ZNF318: variants seen among roughly 807,000 people sequenced by gnomAD.
ZNF318 encodes the protein endocrine regulator.
ZNF318 carries 51 observed loss-of-function variants against 124.2 expected under a neutral mutation model. The ratio of observed to expected loss-of-function variants is 0.41; its 90% CI spans 0.33 to 0.52. ZNF318 has a LOEUF of 0.52. Among genes scored for constraint, ZNF318 ranks in the 20% least tolerant of loss-of-function variants. The probability of loss-of-function intolerance (pLI) is 0.23; values close to 1 mark genes in which losing one functional copy is unlikely to be tolerated. For missense variants in ZNF318, 2,815 were observed against 2,811.2 expected (o/e 1.00, Z -0.03); for synonymous variants, 1,090 against 1,040.7 (o/e 1.05, Z -0.91).
chr6:43,362,020 C>T (rs1483240328), intron 2 of ZNF318, among the ~76,000 whole-genome samples: 1 of 151,692 alleles, frequency 6.6e-6, no homozygotes, highest in Non-Finnish European at 1.5e-5. Flanking sequence ...AGCTGGGCGT[C>T]GGGTGGTGTG....
chr6:43,339,268 C>A lies in ZNF318; in HGVS notation c.4730G>T (p.Gly1577Val). 1 of 1,614,174 alleles carries A rather than the reference C, an allele frequency of 6.2e-7. No individual in the cohort carries two copies. The highest frequency in any genetic ancestry group is 8.5e-7 in the Non-Finnish European group (1 of 1,180,040). ...CCCCTTAGTCTCAGGGGCCCCCTTT[C>A]CACCACTACTATAGAATATGTCATA... The part of the protein sequence containing the change: ...DLYDIFYSSG[G>V]KGAPETKGAP... The change falls in exon 10 of 10, where the codon GGA becomes GTA. Residue 1577 changes from glycine to valine, a missense_variant. By Grantham distance (109) the Gly-to-Val change is moderately radical (BLOSUM62 -3). Around this residue, in one of 4 missense-constraint regions of ZNF318, gnomAD observed 927 missense variants for 820.6 expected, o/e 1.13. Transcript: ENST00000361428. This position sits in a 1 kb window ranked among gnomAD's most constrained non-coding sequence, Gnocchi z 4.2.
chr6:43,339,750 A>G lies in ZNF318; in HGVS notation c.4248T>C (p.Ile1416=). 1 of 1,614,074 alleles carries G rather than the reference A, an allele frequency of 6.2e-7. No homozygotes were observed. Among genetic ancestry groups the G allele is most frequent in the South Asian group, 1.1e-5 (1 of 91,076 alleles). ...CTTTTTCCTCTGGAGACCCTTTTAGAATCACCTCTTCCCCTCCAAATGCTT... is the reference window on the plus strand; with the variant it reads ...CTTTTTCCTCTGGAGACCCTTTTAGGATCACCTCTTCCCCTCCAAATGCTT... ...ISKAFGGEEV[I]LKGSPEEKVV... Residue 1416 remains isoleucine (I), a synonymous_variant, in exon 10 of 10, where the codon ATT becomes ATC. Transcript: ENST00000361428. This position sits in a 1 kb window ranked among gnomAD's most constrained non-coding sequence, Gnocchi z 4.2.
At chr6:43,343,892 C>G (rs527558478) in intron 6 of ZNF318, among the ~76,000 whole-genome samples, 1 of 148,478 alleles carries the variant, frequency 6.7e-6, no homozygotes, top group Non-Finnish European at 1.5e-5. Context: ...AAAAATATAT[C>G]AACTTCTTAA....
intron 2 of ZNF318, among the ~76,000 whole-genome samples, chr6:43,362,140 C>G (rs919476639): frequency 2.0e-5 from 3 of 151,374 alleles, no homozygotes; most frequent in African/African-American, 7.3e-5. Context: ...GCCTGGGTGA[C>G]AAGAGTGAGA....
chr6:43,340,087 C>CTCG lies in ZNF318; in HGVS notation c.3910_3911insCGA (p.Ser1303_Ser1304insThr). 6.2e-7 allele frequency: 1 copy of CTCG among 1,614,176 alleles called. No homozygotes were observed. Among genetic ancestry groups the CTCG allele is most frequent in the Non-Finnish European group, 8.5e-7 (1 of 1,180,034 alleles). The stretch of plus-strand genomic sequence containing the variant: ...AGTTTTGCCATCCTCTTTGTCCTTA[C>CTCG]TACTTTCTAGAATCTCTTCTTTAGA... On this transcript the variant is annotated inframe_insertion, in exon 10 of 10. Transcript: ENST00000361428.
intron 2 of ZNF318, among the ~76,000 whole-genome samples, chr6:43,358,974 A>C (rs1779647433): frequency 6.6e-6 from 1 of 152,232 alleles, no homozygotes; most frequent in African/African-American, 2.4e-5. Flanking sequence ...TATCCCAGTT[A>C]AATCACACTA....
At position 43,336,423 on chromosome 6, in the gene ZNF318, T is replaced by A. The variant is rs1295829900; in HGVS notation, c.*735A>T. On this transcript the variant is annotated 3_prime_UTR_variant, in exon 10 of 10. Transcript: ENST00000361428. ...CATATCTGCTCCTGGCAATGAACCA[T>A]GAATAAGCCTTACCGATTTGTCGTC... 1 of 152,302 alleles carries A rather than the reference T, an allele frequency of 6.6e-6. No homozygotes were observed. Among genetic ancestry groups the A allele is most frequent in the Non-Finnish European group, 1.5e-5 (1 of 68,034 alleles). The allele number at this position is 152,302 out of a possible 1,614,324, so 9.4% of individuals were successfully genotyped here. A position where few individuals can be genotyped will look rare whatever the true frequency, so the allele number is the denominator to read the frequency against.
In ZNF318 at chr6:43,338,876, T is replaced by G. The variant is rs1199159802; in HGVS notation, c.5122A>C (p.Thr1708Pro). 4 of 1,613,992 alleles carry G rather than the reference T, an allele frequency of 2.5e-6. No individual in the cohort carries two copies. Among genetic ancestry groups the G allele is most frequent in the African/African-American group, 1.3e-5 (1 of 74,910 alleles). Residue 1708 changes from threonine (T) to proline (P), a missense_variant, in exon 10 of 10, where the codon ACT (threonine) becomes CCT (proline). Around this residue, in one of 4 missense-constraint regions of ZNF318, gnomAD observed 927 missense variants for 820.6 expected, o/e 1.13. Coordinates refer to ENST00000361428, the MANE Select transcript of ZNF318 (RefSeq NM_014345.3). ...IWTSSSFQSD[T>P]SRDISPEKSE... is the part of the protein sequence containing the mutation. ...TTCTCTGGAGATATATCCCTACTAGTGTCACTCTGGAAGGAACTAGAGGTC... is the reference window on the plus strand; with the variant it reads ...TTCTCTGGAGATATATCCCTACTAGGGTCACTCTGGAAGGAACTAGAGGTC...
chr6:43,348,446 T>C lies in ZNF318; in HGVS notation c.2950A>G (p.Ile984Val), dbSNP rs1779478886. 1.9e-5 allele frequency: 31 copies of C among 1,614,176 alleles called. No individual in the cohort carries two copies. The highest frequency in any genetic ancestry group is 2.6e-5 in the Non-Finnish European group (31 of 1,180,026). The change falls in exon 6 of 10, where the codon ATC (isoleucine) becomes GTC (valine). Residue 984 changes from isoleucine to valine, a missense_variant. By Grantham distance (29) the Ile-to-Val change is conservative. This residue lies in a region of ZNF318 where 1,377 missense variants were observed against 1,353.5 expected (regional missense o/e 1.02). Coordinates refer to ENST00000361428, the MANE Select transcript of ZNF318 (RefSeq NM_014345.3). ...AAAGACTTCTGGGATTTATCGAAGA[T>C]GTTAATTCCCAAGATCTGAGCCACT... ...DKVAQILGINIFDKSQKSLSD... is the reference protein window; with the variant it reads ...DKVAQILGINVFDKSQKSLSD...
In ZNF318 at chr6:43,365,925, G is replaced by A. The variant is rs1013789773; in HGVS notation, c.400-485C>T. On this transcript the variant is annotated intron_variant, in intron 1 of 9. Coordinates refer to ENST00000361428, the MANE Select transcript of ZNF318 (RefSeq NM_014345.3). ...GCCCATACCTCTAACTCTCCTAAACGGTGACCTCTCATTCTTACTGGGCAT... is the reference window on the plus strand; with the variant it reads ...GCCCATACCTCTAACTCTCCTAAACAGTGACCTCTCATTCTTACTGGGCAT... Among the ~76,000 whole-genome samples, 12 of 152,158 alleles carry A rather than the reference G, an allele frequency of 7.9e-5. No homozygotes were observed. The South Asian group carries it at 8.3e-4, about 11-fold the overall frequency.
In ZNF318 at chr6:43,355,460, G is replaced by A; in HGVS notation, c.1874C>T (p.Ser625Leu). 1 of 1,614,202 alleles carries A rather than the reference G, an allele frequency of 6.2e-7. No homozygotes were observed. Among genetic ancestry groups the A allele is most frequent in the Non-Finnish European group, 8.5e-7 (1 of 1,180,038 alleles). The change falls in exon 4 of 10, where the codon TCA (serine) becomes TTA (leucine). Residue 625 changes from serine to leucine, a missense_variant. Around this residue, in one of 4 missense-constraint regions of ZNF318, gnomAD observed 1,377 missense variants for 1,353.5 expected, o/e 1.02. Transcript: ENST00000361428. ...ACGGCGGTCAGCTGAGGAGCGTAAT[G>A]ATGGCTTCTTGCCATGAAGTCGTTC... ...TQERLHGKKP[S>L]LRSSADRRSS...
At chr6:43,356,560 C>CT (rs1269877029) in intron 3 of ZNF318, among the ~76,000 whole-genome samples, 3 of 152,176 alleles carry the variant, frequency 2.0e-5, no homozygotes, top group Non-Finnish European at 1.5e-5. Flanking sequence ...CTTCAGAAGC[C>CT]TTTATCTCCT....
intron 5 of ZNF318, among the ~76,000 whole-genome samples, chr6:43,349,123 T>C (rs924618651): frequency 6.6e-6 from 1 of 152,148 alleles, no homozygotes; most frequent in Non-Finnish European, 1.5e-5. Flanking sequence ...AAAGAATGGG[T>C]TATGACATTA....
rs1382386281 is a variant in ZNF318, at chr6:43,357,207, C to G, written c.1107G>C (p.Arg369=). ...TGGGCATCACAGATACTTCCTCAGG[C>G]CGATGCAAAGAATATCCTGGCTCCG... ...TASEPGYSLH[R]PEEVSVMPKK... is the part of the protein sequence containing the mutation. The change falls in exon 3 of 10, where the codon CGG becomes CGC. Residue 369 remains arginine, a synonymous_variant. Transcript: ENST00000361428. 4 of 1,614,186 alleles carry G rather than the reference C, an allele frequency of 2.5e-6. No homozygotes were observed. Among genetic ancestry groups the G allele is most frequent in the Non-Finnish European group, 3.4e-6 (4 of 1,180,028 alleles).
chr6:43,367,968 T>A (rs1304319244), intron 1 of ZNF318, among the ~76,000 whole-genome samples: 2 of 152,148 alleles, frequency 1.3e-5, no homozygotes, highest in Non-Finnish European at 1.5e-5. Context: ...GAGGTTACAG[T>A]GAGCTGAGAT....
Position 43,355,910 on chromosome 6 carries a change from C to G in ZNF318, c.1424G>C (p.Cys475Ser). 1 of 1,614,212 alleles carries G rather than the reference C, an allele frequency of 6.2e-7. No individual in the cohort carries two copies. The highest frequency in any genetic ancestry group is 8.5e-7 in the Non-Finnish European group (1 of 1,180,028). The change falls in exon 4 of 10, where the codon TGC becomes TCC. Residue 475 changes from cysteine (C) to serine (S), a missense_variant. Cys to Ser is a moderately radical substitution (Grantham distance 112, BLOSUM62 -1). Coordinates refer to ENST00000361428, the MANE Select transcript of ZNF318 (RefSeq NM_014345.3). ...PLREKFGSFLCHKDNLDLKAE... is the reference protein window; with the variant it reads ...PLREKFGSFLSHKDNLDLKAE... ...CTTCAAATCCAAATTATCCTTGTGG[C>G]ATAGAAAACTTCCAAATTTTTCTCT... is the stretch of plus-strand genomic sequence containing the variant.
At position 43,338,060 on chromosome 6, in the gene ZNF318, G is replaced by C. The variant is rs1292258817; in HGVS notation, c.5938C>G (p.Leu1980Val). 2 of 1,614,096 alleles carry C rather than the reference G, an allele frequency of 1.2e-6. No homozygotes were observed. Among genetic ancestry groups the C allele is most frequent in the African/African-American group, 2.7e-5 (2 of 74,934 alleles). The change falls in exon 10 of 10, where the codon CTG (leucine) becomes GTG (valine). Residue 1980 changes from leucine (L) to valine (V), a missense_variant. Transcript: ENST00000361428. Reference sequence around the variant, plus strand: ...TCTGGATGGACATCTTGTAGCTCCAGTGCTTCTGTTTTTGGTTTCTCTGGG... The same window carrying C: ...TCTGGATGGACATCTTGTAGCTCCACTGCTTCTGTTTTTGGTTTCTCTGGG... ...ESPEKPKTEA[L>V]ELQDVHPELT...
intron 1 of ZNF318, 33 bp from the exon 2 acceptor site, chr6:43,365,473 T>C (rs1779748457): frequency 3.7e-6 from 6 of 1,601,896 alleles, no homozygotes; most frequent in East Asian, 2.2e-5. Context: ...GGTTAGTCAA[T>C]AGGGTCAAGA....
chr6:43,347,536 A>T (rs911520663), intron 6 of ZNF318, among the ~76,000 whole-genome samples: 1 of 152,242 alleles, frequency 6.6e-6, no homozygotes, highest in African/African-American at 2.4e-5. Flanking sequence ...ACAGTATGCC[A>T]TTCATTGAGA....
Sources: allele counts gnomAD v4.1 joint callset (sites outside exome capture counted in the v4.1 genomes callset), GRCh38; gene constraint gnomAD v4.1.1; regional missense constraint gnomAD v4.1.1; non-coding constraint Gnocchi (gnomAD v3.1); transcripts MANE v1.5; gene names NCBI Gene and HGNC (gene_info 2026-07-23, HGNC 2026-07-21).